Variants in SLIT3 observed in about 807,000 individuals in gnomAD.
SLIT3 encodes slit homolog 3 protein.
SLIT3 carries 68 observed loss-of-function variants against 184.0 expected under a neutral mutation model. The ratio of observed to expected loss-of-function variants is 0.37; its 90% CI spans 0.30 to 0.45. The LOEUF (loss-of-function observed/expected upper bound fraction) is 0.45, where lower values mean the gene tolerates loss of function less well. SLIT3 is among the 20% of genes least tolerant of loss of function. The probability of loss-of-function intolerance (pLI) is 1.00; values close to 1 mark genes in which losing one functional copy is unlikely to be tolerated. For synonymous variants in SLIT3, 831 were observed against 828.6 expected, an observed-to-expected ratio of 1.00 and a Z score of -0.05; for missense variants, 1,707 against 2,026.0, an observed-to-expected ratio of 0.84 and a Z score of 3.02.
chr5:169,156,651 A>G (rs1315929457), intron 4 of SLIT3, among the ~76,000 whole-genome samples: 4 of 152,374 alleles, frequency 2.6e-5, no homozygotes, highest in African/African-American at 9.6e-5. Flanking sequence ...GTAATCATAC[A>G]TGAGCAAACG....
At chr5:168,673,032 G>C (rs1761301220) in intron 33 of SLIT3, 145 bp downstream of exon 33, 2 of 749,838 alleles carry the variant, frequency 2.7e-6, no homozygotes, top group African/African-American at 3.5e-5. Flanking sequence ...GGCCTGGCTA[G>C]TGCTTATTCA....
intron 4 of SLIT3, among the ~76,000 whole-genome samples, chr5:168,965,277 T>C (rs975222453): frequency 9.9e-5 from 15 of 152,186 alleles, no homozygotes; most frequent in Non-Finnish European, 2.2e-4. Context: ...CTCCTAGCAT[T>C]TGAGAGATAA....
intron 4 of SLIT3, among the ~76,000 whole-genome samples, chr5:169,047,826 G>T (rs1243234813): frequency 6.6e-6 from 1 of 152,022 alleles, no homozygotes; most frequent in Non-Finnish European, 1.5e-5. Context: ...GGTCTATGAG[G>T]GTCCTTAGCC....
chr5:168,875,005 C>T (rs1305339962), intron 5 of SLIT3, among the ~76,000 whole-genome samples: 1 of 150,566 alleles, frequency 6.6e-6, no homozygotes, highest in Non-Finnish European at 1.5e-5. Flanking sequence ...AGAGTAAGGG[C>T]TCAGTGGTAA....
chr5:169,247,865 C>G (rs1201891987), intron 2 of SLIT3, among the ~76,000 whole-genome samples: 1 of 152,140 alleles, frequency 6.6e-6, no homozygotes, highest in African/African-American at 2.4e-5. Flanking sequence ...CTCAAGCAAT[C>G]CACCCACCTT....
At chr5:168,993,228 C>T (rs1002693563) in intron 4 of SLIT3, among the ~76,000 whole-genome samples, 4 of 152,212 alleles carry the variant, frequency 2.6e-5, no homozygotes, top group African/African-American at 7.2e-5. Context: ...GTCAGCCAAG[C>T]GCAGAATAGC....
intron 5 of SLIT3, among the ~76,000 whole-genome samples, chr5:168,877,075 A>G (rs1759757648): frequency 6.6e-6 from 1 of 152,226 alleles, no homozygotes; most frequent in Non-Finnish European, 1.5e-5. Context: ...TGGGGACAAC[A>G]CAGTGATTGA....
intron 21 of SLIT3, 118 bp from the exon 22 acceptor site, chr5:168,723,122 C>A: frequency 1.4e-6 from 1 of 716,304 alleles, no homozygotes; most frequent in Admixed American, 2.0e-5. Flanking sequence ...CACCCATCCA[C>A]CCACCTATTC....
At chr5:169,156,383 G>GC (rs1248389211) in intron 4 of SLIT3, among the ~76,000 whole-genome samples, 4 of 152,176 alleles carry the variant, frequency 2.6e-5, no homozygotes, top group African/African-American at 9.7e-5. Context: ...CCCTAATGAA[G>GC]CATTCCCTAA....
chr5:168,993,332 C>T (rs745553828), intron 4 of SLIT3, among the ~76,000 whole-genome samples: 13 of 152,358 alleles, frequency 8.5e-5, no homozygotes, highest in Non-Finnish European at 1.6e-4. Flanking sequence ...ACCCACATGT[C>T]AGGCTTCACT....
intron 4 of SLIT3, among the ~76,000 whole-genome samples, chr5:169,126,756 G>A (rs138351239): frequency 1.5e-4 from 23 of 152,318 alleles, no homozygotes; most frequent in Admixed American, 1.4e-3. Flanking sequence ...GGAGAGGCAG[G>A]CCCTGCTGAG....
intron 1 of SLIT3, among the ~76,000 whole-genome samples, chr5:169,299,935 C>A (rs1361959396): frequency 2.0e-5 from 3 of 152,196 alleles, no homozygotes; most frequent in Non-Finnish European, 4.4e-5. Context: ...TCCCAGACTG[C>A]GCTCCAGGCA....
At position 169,114,050 on chromosome 5, in the gene SLIT3, G is replaced by A. The variant is rs78552732; in HGVS notation, c.413+79429C>T. 6.7e-3 allele frequency among the ~76,000 whole-genome samples: 1,022 copies of A among 152,264 alleles called. 4 individuals are homozygous for A. The highest frequency in any genetic ancestry group is 0.016 in the Admixed American group (239 of 15,302). On this transcript the variant is annotated intron_variant, in intron 4 of 35. Coordinates refer to ENST00000519560, the MANE Select transcript of SLIT3 (RefSeq NM_003062.4). ...TAAGCGTCAGCTACTGTTACGATTA[G>A]GGAGGTTTTCTGAGTGTGGCAGAGA...
chr5:168,856,558 A>T (rs1379249570), intron 5 of SLIT3, among the ~76,000 whole-genome samples: 1 of 152,174 alleles, frequency 6.6e-6, no homozygotes, highest in East Asian at 1.9e-4. Context: ...TCAGGGGGGA[A>T]AATGTCAGTT....
chr5:168,962,541 G>C (rs1204833192), intron 4 of SLIT3, among the ~76,000 whole-genome samples: 1 of 151,316 alleles, frequency 6.6e-6, no homozygotes, highest in Non-Finnish European at 1.5e-5. Flanking sequence ...CTTTGCTTAA[G>C]AAGTAGAAGA....
intron 4 of SLIT3, among the ~76,000 whole-genome samples, chr5:169,138,861 T>G (rs1289783857): frequency 6.6e-6 from 1 of 152,226 alleles, no homozygotes; most frequent in Non-Finnish European, 1.5e-5. Flanking sequence ...GATATTATCA[T>G]GGGGAAATTG....
At chr5:168,820,478 A>C (rs1215820538) in intron 7 of SLIT3, among the ~76,000 whole-genome samples, 1 of 152,196 alleles carries the variant, frequency 6.6e-6, no homozygotes, top group Non-Finnish European at 1.5e-5. Context: ...GTGAGAATTG[A>C]AATGATTCAT....
intron 4 of SLIT3, among the ~76,000 whole-genome samples, chr5:168,970,909 C>A (rs930239025): frequency 6.6e-6 from 1 of 152,188 alleles, no homozygotes; most frequent in Non-Finnish European, 1.5e-5. Flanking sequence ...TTATGCCAGG[C>A]ATTTTGCAGG....
At chr5:169,100,783 C>G (rs1326300495) in intron 4 of SLIT3, among the ~76,000 whole-genome samples, 2 of 152,182 alleles carry the variant, frequency 1.3e-5, no homozygotes, top group Non-Finnish European at 2.9e-5. Flanking sequence ...CCATCTTCAC[C>G]AAAGGAACCA....
Sources: allele counts gnomAD v4.1 joint callset (sites outside exome capture counted in the v4.1 genomes callset), GRCh38; gene constraint gnomAD v4.1.1; transcripts MANE v1.5; gene names NCBI Gene and HGNC (gene_info 2026-07-23, HGNC 2026-07-21).